EMC3: variants seen among roughly 807,000 people sequenced by gnomAD.
EMC3 encodes 30 kDa protein.
EMC3 carries 13 observed loss-of-function variants against 36.6 expected under a neutral mutation model. The observed-to-expected ratio is 0.35, with a 90% CI of 0.23 to 0.56. The LOEUF is 0.56. Among genes scored for constraint, EMC3 ranks in the 20% least tolerant of loss-of-function variants. The pLI is 0.84. For synonymous variants in EMC3, 120 were observed against 111.9 expected (o/e 1.07, Z -0.46); for missense variants, 220 against 324.5 (o/e 0.68, Z 2.47).
At chr3:9,969,026 T>C (rs61146682) in intron 7 of EMC3, 33,768 of 152,374 alleles carry the variant, frequency 0.22, 4,366 homozygotes, top group African/African-American at 0.36. Context: ...GGTTTCACCA[T>C]GTTGGCCAGG....
intron 1 of EMC3, 77 bp downstream of exon 1, chr3:9,986,430 A>C: frequency 6.4e-7 from 1 of 1,563,730 alleles, no homozygotes; most frequent in South Asian, 1.2e-5. Context: ...GAACCTAGGC[A>C]AATTGACACA....
chr3:10,001,975 G>A (rs1193950048), intron 1 of EMC3, among the ~76,000 whole-genome samples: 2 of 152,120 alleles, frequency 1.3e-5, no homozygotes, highest in African/African-American at 4.8e-5. Flanking sequence ...CTCCAGCCTG[G>A]GTGACAGAGT....
At chr3:9,986,152 C>T (rs2085969209) in intron 1 of EMC3, among the ~76,000 whole-genome samples, 1 of 152,270 alleles carries the variant, frequency 6.6e-6, no homozygotes, top group Admixed American at 6.5e-5. Flanking sequence ...CTGTAACGCA[C>T]CTGGCACTCT....
At chr3:9,995,553 C>T (rs2086112397) in intron 1 of EMC3, among the ~76,000 whole-genome samples, 1 of 151,048 alleles carries the variant, frequency 6.6e-6, no homozygotes, top group African/African-American at 2.4e-5. Flanking sequence ...GGAGAGGCCT[C>T]GGTGGTGAAT....
intron 3 of EMC3, among the ~76,000 whole-genome samples, 192 bp from the exon 4 acceptor site, chr3:9,974,680 T>G (rs145972128): frequency 6.6e-6 from 1 of 151,544 alleles, no homozygotes; most frequent in Non-Finnish European, 1.5e-5. Flanking sequence ...TGCCTCAGCC[T>G]CCCGAGTAGA....
intron 1 of EMC3, among the ~76,000 whole-genome samples, chr3:9,985,413 C>T (rs570991921): frequency 6.6e-6 from 1 of 152,274 alleles, no homozygotes; most frequent in Admixed American, 6.5e-5. Flanking sequence ...TGAAAGTAAT[C>T]AGAACTGACT....
At position 9,985,933 on chromosome 3, in the gene EMC3, CA is replaced by C. The variant is rs1426615798; in HGVS notation, c.155+573del. ...TAAATAGATAAATAAATAAATACTG[CA>C]ATGAAATATGTGAGGAAGTTGCCTC... On this transcript the variant is annotated intron_variant, in intron 1 of 7. Transcript: ENST00000245046. Among the ~76,000 whole-genome samples, 3 of 152,046 alleles carry C rather than the reference CA, an allele frequency of 2.0e-5. No individual in the cohort carries two copies. In the East Asian group the frequency reaches 5.8e-4, roughly 29 times the overall value.
chr3:9,967,237 C>CA (rs2085743679), intron 7 of EMC3, among the ~76,000 whole-genome samples: 1 of 152,134 alleles, frequency 6.6e-6, no homozygotes, highest in African/African-American at 2.4e-5. Flanking sequence ...TGCAGTGGCA[C>CA]AATCACAGCT....
At chr3:9,987,456 G>C (rs970070952), upstream of EMC3, among the ~76,000 whole-genome samples, 4 of 152,106 alleles carry the variant, frequency 2.6e-5, no homozygotes, top group Admixed American at 2.6e-4. Flanking sequence ...AAATGAGAAA[G>C]GCTTTTACCC....
chr3:9,981,937 C>T (rs1490074054), intron 1 of EMC3, among the ~76,000 whole-genome samples: 3 of 148,328 alleles, frequency 2.0e-5, no homozygotes, highest in Non-Finnish European at 4.4e-5. Context: ...GGTTTAATAC[C>T]TGTTAAAAAA....
At chr3:9,989,977 T>C (rs1216071809), upstream of EMC3, among the ~76,000 whole-genome samples, 1 of 151,582 alleles carries the variant, frequency 6.6e-6, no homozygotes, top group African/African-American at 2.4e-5. Context: ...TTTTTTTTTT[T>C]TCCTGGAAGC....
At chr3:9,993,502 G>T (rs1443005225) in intron 1 of EMC3, among the ~76,000 whole-genome samples, 1 of 152,108 alleles carries the variant, frequency 6.6e-6, no homozygotes, top group Non-Finnish European at 1.5e-5. Flanking sequence ...TTTATATTTA[G>T]GAATAGATTT....
At chr3:9,986,967 G>A (rs1367813500), upstream of EMC3, 1 of 1,135,726 alleles carries the variant, frequency 8.8e-7, no homozygotes, top group East Asian at 5.5e-5. Flanking sequence ...TGGAATCCCA[G>A]CACTTTGGGA....
intron 3 of EMC3, 89 bp from the exon 4 acceptor site, chr3:9,974,577 G>C: frequency 1.2e-6 from 1 of 855,794 alleles, no homozygotes; most frequent in Non-Finnish European, 1.9e-6. Flanking sequence ...GTTTTTTTTT[G>C]AGACGGAGTC....
intron 7 of EMC3, among the ~76,000 whole-genome samples, chr3:9,967,581 T>C (rs2085746332): frequency 6.6e-6 from 1 of 152,256 alleles, no homozygotes; most frequent in South Asian, 2.1e-4. Flanking sequence ...TCTCTCCTTA[T>C]GCCAGTTTTT....
chr3:9,989,913 G>A (rs112488031), upstream of EMC3, among the ~76,000 whole-genome samples: 11 of 150,592 alleles, frequency 7.3e-5, no homozygotes, highest in African/African-American at 2.7e-4. Flanking sequence ...TCAGTTAAGA[G>A]AAGTAGTAAA....
intron 1 of EMC3, among the ~76,000 whole-genome samples, chr3:9,996,238 G>A (rs1367199221): frequency 6.6e-6 from 1 of 152,196 alleles, no homozygotes; most frequent in East Asian, 1.9e-4. Flanking sequence ...GTGCCCTGGA[G>A]TTTGAGACCA....
chr3:10,000,408 A>G (rs2086184150), intron 1 of EMC3, among the ~76,000 whole-genome samples: 1 of 152,204 alleles, frequency 6.6e-6, no homozygotes, highest in African/African-American at 2.4e-5. Context: ...AAGTCTAATC[A>G]TATTTTTAGA....
At chr3:9,988,080 AGAGTTG>A (rs1238166696), upstream of EMC3, 18 of 591,122 alleles carry the variant, frequency 3.0e-5, no homozygotes, top group Non-Finnish European at 3.1e-5. Context: ...TCCCACAGTC[AGAGTTG>A]GAGCTTAATA....
Sources: gnomAD v4.1 joint callset for allele counts (sites outside exome capture counted in the v4.1 genomes callset) on GRCh38, gnomAD v4.1.1 for gene constraint, MANE v1.5 for transcripts, NCBI Gene and HGNC (gene_info 2026-07-23, HGNC 2026-07-21) for gene names.